EMC3: variants seen among roughly 807,000 people sequenced by gnomAD.
EMC3 encodes 30 kDa protein.
EMC3 carries 13 observed loss-of-function variants against 36.6 expected under a neutral mutation model. The observed-to-expected ratio is 0.35, with a 90% CI of 0.23 to 0.56. The LOEUF (loss-of-function observed/expected upper bound fraction) is 0.56. EMC3 is among the 20% of genes least tolerant of loss of function. The pLI is 0.84. For missense variants in EMC3, 220 were observed against 324.5 expected (o/e 0.68, Z 2.47); for synonymous variants, 120 against 111.9 (o/e 1.07, Z -0.46).
At position 9,997,018 on chromosome 3, in the gene EMC3, C is replaced by T. The variant is rs145504070; in HGVS notation, c.-241-10116G>A. On this transcript the variant is annotated intron_variant, in intron 1 of 8. Coordinates refer to the EMC3 transcript ENST00000470827. ...ATTCATAATGTTATACAACCATTAC[C>T]ACTATCCATTTCTAGAACTTCTGAT... is the stretch of plus-strand genomic sequence containing the variant. Among the ~76,000 whole-genome samples the T allele has an allele frequency of 5.3e-4, 80 of 151,968 alleles. No individual in the cohort carries two copies. The East Asian group carries it at 0.015, about 29-fold the overall frequency.
chr3:9,984,500 C>A (rs2085948803), intron 1 of EMC3, among the ~76,000 whole-genome samples: 2 of 152,058 alleles, frequency 1.3e-5, no homozygotes, highest in Non-Finnish European at 1.5e-5. Flanking sequence ...AGCAATTCCA[C>A]TGCCTCAGCC....
intron 1 of EMC3, chr3:10,004,322 C>G (rs2086239920): frequency 6.6e-6 from 1 of 152,200 alleles, no homozygotes; most frequent in Non-Finnish European, 1.5e-5. Flanking sequence ...AGAACAAATC[C>G]TGGACCACCT....
rs61596273 is a variant in EMC3 at position 9,963,477 on chromosome 3, A to ATATATATAGT, written c.*591_*592insACTATATATA. ...TAGATATATATATATATATATATATATTTTTTTTTTTTTTTCAGATGGAGT... is the reference window on the plus strand; with the variant it reads ...TAGATATATATATATATATATATATATATATATAGTTTTTTTTTTTTTTTTCAGATGGAGT... On this transcript the variant is annotated 3_prime_UTR_variant, in exon 8 of 8. Coordinates refer to ENST00000245046, the MANE Select transcript of EMC3 (RefSeq NM_001394674.1). 1.1e-5 allele frequency: 1 copy of ATATATATAGT among 88,926 alleles called. No homozygotes were observed. The highest frequency in any genetic ancestry group is 4.7e-5 in the African/African-American group (1 of 21,328). 5.5% of individuals were successfully genotyped at this position (88,926 alleles called of 1,614,324 possible). A position where few individuals can be genotyped will look rare whatever the true frequency, so the allele number is the denominator to read the frequency against.
intron 1 of EMC3, among the ~76,000 whole-genome samples, chr3:9,997,642 T>A (rs1374728675): frequency 1.3e-5 from 2 of 151,968 alleles, no homozygotes; most frequent in Non-Finnish European, 2.9e-5. Context: ...GTATTTTTAG[T>A]CGAGTTGGGG....
chr3:10,008,453 C>T, intron 1 of EMC3: 8 of 1,367,706 alleles, frequency 5.8e-6, no homozygotes, highest in Non-Finnish European at 7.8e-6. Flanking sequence ...TCTCCCTTTG[C>T]TGCCAGCAGC....
chr3:9,997,579 C>G (rs999286733), intron 1 of EMC3, among the ~76,000 whole-genome samples: 4 of 152,192 alleles, frequency 2.6e-5, no homozygotes, highest in African/African-American at 7.2e-5. Context: ...CTTGCCTCAG[C>G]CTCCTGAGTA....
chr3:9,981,856 G>A (rs755346159), intron 1 of EMC3: 10 of 341,902 alleles, frequency 2.9e-5, no homozygotes, highest in Non-Finnish European at 5.1e-5. Context: ...TCAAGTCTGA[G>A]AACCATTTTT....
intron 1 of EMC3, chr3:10,008,409 C>T (rs776482356): frequency 2.9e-6 from 4 of 1,367,650 alleles, no homozygotes; most frequent in Non-Finnish European, 2.0e-6. Context: ...TCTACCTGGG[C>T]CGGCATGCAG....
In EMC3 at chr3:9,981,097, C is replaced by T. The variant is rs567570814; in HGVS notation, c.156-3651G>A. 1.6e-4 allele frequency among the ~76,000 whole-genome samples: 25 copies of T among 152,182 alleles called. 1 individual carries two copies. Among genetic ancestry groups the T allele is most frequent in the African/African-American group, 5.1e-4 (21 of 41,498 alleles). ...GCGTGTGCCTGTAGTCCCAGCTACT[C>T]GGGAGGCTGTGGGAGGATCACTTGA... On this transcript the variant is annotated intron_variant, in intron 1 of 7. Transcript: ENST00000245046.
At chr3:9,973,263 C>T (rs112760192) in intron 5 of EMC3, among the ~76,000 whole-genome samples, 2 of 151,696 alleles carry the variant, frequency 1.3e-5, no homozygotes, top group African/African-American at 4.8e-5. Context: ...GGCGCAATCT[C>T]AGCTCACTGC....
At chr3:9,969,427 A>G in intron 7 of EMC3, 1 of 1,286,982 alleles carries the variant, frequency 7.8e-7, no homozygotes, top group East Asian at 3.9e-5. Context: ...AAAGGTTCAA[A>G]TTATTCTAAA....
chr3:10,010,045 TC>T (rs146881218), intron 1 of EMC3: 1 of 152,450 alleles, frequency 6.6e-6, no homozygotes, highest in Non-Finnish European at 1.5e-5. Context: ...TGGTGTCTGG[TC>T]CCCCCTGCCT....
chr3:10,007,194 A>C, intron 1 of EMC3: 1 of 793,834 alleles, frequency 1.3e-6, no homozygotes, highest in Non-Finnish European at 1.7e-6. Context: ...CCCACAGCAA[A>C]TCATTAGTAG....
chr3:9,986,405 G>C (rs903226497), intron 1 of EMC3, 102 bp downstream of exon 1: 3 of 1,387,732 alleles, frequency 2.2e-6, no homozygotes, highest in African/African-American at 2.8e-5. Context: ...CACCCTGTCA[G>C]AGGGGGCGCG....
intron 5 of EMC3, chr3:9,973,416 G>A (rs530593650): frequency 2.9e-5 from 15 of 518,280 alleles, no homozygotes; most frequent in Admixed American, 9.8e-5. Flanking sequence ...GAATGGTCTC[G>A]ATCTCCTGAT....
chr3:9,988,989 A>G (rs1451056046), upstream of EMC3, among the ~76,000 whole-genome samples: 1 of 151,858 alleles, frequency 6.6e-6, no homozygotes, highest in African/African-American at 2.4e-5. Context: ...GGGAAATACT[A>G]ACAGTGTAAA....
chr3:10,000,716 AT>A (rs1288780543), intron 1 of EMC3: 3 of 475,918 alleles, frequency 6.3e-6, no homozygotes, highest in African/African-American at 4.0e-5. Flanking sequence ...GGCAAAGATC[AT>A]TTTTCTTCCA....
intron 1 of EMC3, 91 bp from the exon 2 acceptor site, chr3:9,977,537 G>A: frequency 8.8e-7 from 1 of 1,139,854 alleles, no homozygotes; most frequent in Non-Finnish European, 1.3e-6. Context: ...TTAAACACAA[G>A]AGAGGGCCTA....
intron 7 of EMC3, among the ~76,000 whole-genome samples, chr3:9,967,217 C>G (rs967140920): frequency 1.3e-5 from 2 of 152,158 alleles, no homozygotes; most frequent in African/African-American, 4.8e-5. Flanking sequence ...CTCTGTCACC[C>G]AAGCTGGTGT....
Sources: gnomAD v4.1 joint callset for allele counts (sites outside exome capture counted in the v4.1 genomes callset) on GRCh38, gnomAD v4.1.1 for gene constraint, MANE v1.5 for transcripts, NCBI Gene and HGNC (gene_info 2026-07-23, HGNC 2026-07-21) for gene names.